The following FRMD4A variants were observed in gnomAD, a reference collection of about 807,000 sequenced individuals.
The protein encoded by FRMD4A is FERM domain containing 4A, also known as FERM domain-containing protein 4A.
A neutral mutation model predicts 129.1 loss-of-function variants in FRMD4A; 29 were observed. That is an observed-to-expected ratio of 0.22 (90% CI 0.17 to 0.31). The LOEUF (loss-of-function observed/expected upper bound fraction) is 0.31. Among genes scored for constraint, FRMD4A ranks in the 10% least tolerant of loss-of-function variants. The probability of loss-of-function intolerance (pLI) is 1.00; values close to 1 mark genes in which losing one functional copy is unlikely to be tolerated. For synonymous variants in FRMD4A, 634 were observed against 571.6 expected (o/e 1.11, Z -1.56); for missense variants, 1,272 against 1,375.8 (o/e 0.92, Z 1.19).
rs544181400 is a variant in FRMD4A at position 14,091,419 on chromosome 10, G to GT, written c.46-232508dup. On this transcript the variant is annotated intron_variant, in intron 2 of 24. Coordinates refer to ENST00000357447, the MANE Select transcript of FRMD4A (RefSeq NM_018027.5). ...TCCTGAACTGACATTTCCATTCTTA[G>GT]TTTTTTGGTTTTGTTTTGTTTTGTT... Among the ~76,000 whole-genome samples the GT allele has an allele frequency of 9.2e-3, 1,399 of 151,948 alleles. 29 individuals are homozygous for GT. The highest frequency in any genetic ancestry group is 0.032 in the African/African-American group (1,327 of 41,524).
intron 4 of FRMD4A, among the ~76,000 whole-genome samples, chr10:13,800,607 A>G (rs2093231241): frequency 6.6e-6 from 1 of 152,194 alleles, no homozygotes; most frequent in African/African-American, 2.4e-5. Context: ...ATATCCTCAT[A>G]CCACTCCACT....
At chr10:13,685,529 A>T (rs2084990397) in intron 15 of FRMD4A, 1 of 985,300 alleles carries the variant, frequency 1.0e-6, no homozygotes, top group African/African-American at 1.7e-5. Context: ...GGCTATTGCA[A>T]TACCAACGTT....
At chr10:13,918,475 T>C (rs970762080) in intron 2 of FRMD4A, among the ~76,000 whole-genome samples, 17 of 152,176 alleles carry the variant, frequency 1.1e-4, no homozygotes, top group African/African-American at 4.1e-4. Context: ...TTCAGTCAAG[T>C]ACTATGTGCA....
At chr10:13,844,170 A>AGT (rs897840139) in intron 3 of FRMD4A, among the ~76,000 whole-genome samples, 2 of 151,650 alleles carry the variant, frequency 1.3e-5, no homozygotes, top group African/African-American at 2.4e-5. Flanking sequence ...TATGTATGTG[A>AGT]GTGTGTGTGT....
chr10:14,129,054 A>C (rs762666361), intron 2 of FRMD4A, among the ~76,000 whole-genome samples: 15 of 152,016 alleles, frequency 9.9e-5, no homozygotes, highest in Non-Finnish European at 8.8e-5. Flanking sequence ...GCAACAGTGC[A>C]GGTGTGGCCC....
intron 2 of FRMD4A, among the ~76,000 whole-genome samples, chr10:13,889,866 C>T (rs1320720517): frequency 6.6e-6 from 1 of 152,216 alleles, no homozygotes; most frequent in Non-Finnish European, 1.5e-5. Context: ...ACTGGCTGGA[C>T]AATATAGCGT....
At chr10:14,070,275 T>C (rs767321841) in intron 2 of FRMD4A, among the ~76,000 whole-genome samples, 2 of 152,234 alleles carry the variant, frequency 1.3e-5, no homozygotes, top group Non-Finnish European at 2.9e-5. Context: ...CTTACTGCTC[T>C]CAGCAGTCTT....
chr10:14,061,535 G>A (rs925626492), intron 2 of FRMD4A, among the ~76,000 whole-genome samples: 10 of 152,126 alleles, frequency 6.6e-5, no homozygotes, highest in East Asian at 1.9e-4. Context: ...TGCTCATGAC[G>A]TAAACCTAAG....
At position 14,330,165 on chromosome 10, in the gene FRMD4A, A is replaced by C. The variant is rs893880873; in HGVS notation, c.-63T>G. 1.3e-5 allele frequency: 19 copies of C among 1,514,362 alleles called. No individual in the cohort carries two copies. The highest frequency in any genetic ancestry group is 1.6e-5 in the Non-Finnish European group (18 of 1,115,398). 93.8% of individuals were successfully genotyped at this position (1,514,362 alleles called of 1,614,324 possible). A position where few individuals can be genotyped will look rare whatever the true frequency, so the allele number is the denominator to read the frequency against. ...CAGTCCTCCTGGGCCCCGGGTGGCT[A>C]CAGAGCATCCAAAAGCACCTGCAGA... On this transcript the variant is annotated 5_prime_UTR_variant, in exon 2 of 25. An upstream open reading frame in the 5' UTR loses its in-frame stop. Transcript: ENST00000357447.
rs575483122 is a variant in FRMD4A, at chr10:14,126,183, T to C, written c.45+203875A>G. On this transcript the variant is annotated intron_variant, in intron 2 of 24. Coordinates refer to ENST00000357447, the MANE Select transcript of FRMD4A (RefSeq NM_018027.5). ...AACCTTGCCCACTTTTTTTTTTTTT[T>C]TTTTTGAGATGGAGTCTCATTCTGT... 3.2e-3 allele frequency among the ~76,000 whole-genome samples: 482 copies of C among 150,604 alleles called. 6 individuals are homozygous for C. The highest frequency in any genetic ancestry group is 0.011 in the African/African-American group (465 of 40,916).
intron 2 of FRMD4A, among the ~76,000 whole-genome samples, chr10:14,321,277 G>T (rs1407908299): frequency 6.6e-6 from 1 of 151,120 alleles, no homozygotes; most frequent in African/African-American, 2.4e-5. Context: ...AAGAAAAACA[G>T]ATACAAAAGT....
At chr10:13,849,329 G>A (rs553174991) in intron 3 of FRMD4A, among the ~76,000 whole-genome samples, 257 of 152,308 alleles carry the variant, frequency 1.7e-3, no homozygotes, top group African/African-American at 5.8e-3. Flanking sequence ...CCTGGAGCAC[G>A]CCTCGGTAGA....
chr10:13,783,578 T>C (rs1180799135), intron 5 of FRMD4A, among the ~76,000 whole-genome samples: 1 of 151,712 alleles, frequency 6.6e-6, no homozygotes, highest in East Asian at 1.9e-4. Context: ...TACGGAGTCT[T>C]CCTTTGTTGC....
In FRMD4A at chr10:14,288,870, G is replaced by A. The variant is rs190220636; in HGVS notation, c.45+41188C>T. Reference sequence around the variant, plus strand: ...AGATTCCTCATGTAAATGTAATCATGCAGCATTTGTCCTTCTATGCATGGC... The same window carrying A: ...AGATTCCTCATGTAAATGTAATCATACAGCATTTGTCCTTCTATGCATGGC... On this transcript the variant is annotated intron_variant, in intron 2 of 24. Transcript: ENST00000357447. 2.0e-4 allele frequency among the ~76,000 whole-genome samples: 31 copies of A among 152,262 alleles called. 1 individual carries two copies. The highest frequency in any genetic ancestry group is 1.9e-3 in the Admixed American group (29 of 15,282).
chr10:13,900,574 T>C (rs1372533869), intron 2 of FRMD4A, among the ~76,000 whole-genome samples: 8 of 152,198 alleles, frequency 5.3e-5, no homozygotes, highest in Non-Finnish European at 1.2e-4. Flanking sequence ...CCCTAAGGCT[T>C]TTTTGTTTAT....
chr10:13,771,084 C>T (rs896314606), intron 6 of FRMD4A, among the ~76,000 whole-genome samples: 1 of 152,042 alleles, frequency 6.6e-6, no homozygotes, highest in African/African-American at 2.4e-5. Context: ...ACTTAAACTC[C>T]ATTTTTTTTT....
intron 2 of FRMD4A, among the ~76,000 whole-genome samples, chr10:13,936,827 C>A (rs2095252825): frequency 6.6e-6 from 1 of 152,172 alleles, no homozygotes; most frequent in African/African-American, 2.4e-5. Context: ...ATTTAAGATT[C>A]TATATTCTAC....
intron 2 of FRMD4A, among the ~76,000 whole-genome samples, chr10:14,328,579 C>T (rs572549702): frequency 9.8e-4 from 148 of 150,426 alleles, no homozygotes; most frequent in African/African-American, 3.5e-3. Flanking sequence ...TAACACGATG[C>T]AGGATTTATT....
chr10:14,154,475 GCTTAA>G (rs1200694115), intron 2 of FRMD4A, among the ~76,000 whole-genome samples: 2 of 152,048 alleles, frequency 1.3e-5, no homozygotes, highest in African/African-American at 4.8e-5. Context: ...CCCAGTGCTG[GCTTAA>G]CTTATTTTTA....
Sources: allele counts gnomAD v4.1 joint callset (sites outside exome capture counted in the v4.1 genomes callset), GRCh38; gene constraint gnomAD v4.1.1; transcripts MANE v1.5; gene names NCBI Gene and HGNC (gene_info 2026-07-23, HGNC 2026-07-21).